The following ESR2 variants were observed in gnomAD, a reference collection of about 807,000 sequenced individuals.
The protein encoded by ESR2 is estrogen receptor 2.
A neutral mutation model predicts 49.6 loss-of-function variants in ESR2; 36 were observed. That is an observed-to-expected ratio of 0.73 (90% CI 0.56 to 0.96). The LOEUF is 0.96. ESR2 is among the 40% of genes least tolerant of loss of function. ESR2 has a pLI of 0.00. For synonymous variants in ESR2, 320 were observed against 266.1 expected (o/e 1.20, Z -1.97); for missense variants, 714 against 693.0 (o/e 1.03, Z -0.34).
intron 1 of ESR2, among the ~76,000 whole-genome samples, chr14:64,310,166 G>A (rs565334539): frequency 2.2e-4 from 33 of 151,568 alleles, no homozygotes; most frequent in Non-Finnish European, 3.5e-4. Context: ...CCAGCTACTC[G>A]GAAGGCTGAG....
At position 64,287,402 on chromosome 14, in the gene ESR2, C is replaced by T. The variant is rs561341598; in HGVS notation, c.-90-4327G>A. Among the ~76,000 whole-genome samples the T allele has an allele frequency of 3.3e-5, 5 of 152,344 alleles. No individual in the cohort carries two copies. In the South Asian group the frequency reaches 1.0e-3, roughly 32 times the overall value. On this transcript the variant is annotated intron_variant, in intron 1 of 8. Transcript: ENST00000341099. ...ACAGATCTCACATCTCAACATATCA[C>T]CAATCAACTTCTGTAGAATTTCCAC... is the stretch of plus-strand genomic sequence containing the variant.
chr14:64,257,405 T>G (rs753642076), intron 5 of ESR2, 41 bp from the exon 6 acceptor site: 39 of 1,609,608 alleles, frequency 2.4e-5, no homozygotes, highest in Non-Finnish European at 3.2e-5. Context: ...CCACCCCTCC[T>G]CCTCAGCTCC....
intron 4 of ESR2, among the ~76,000 whole-genome samples, chr14:64,262,752 A>G (rs2076248869): frequency 6.6e-6 from 1 of 152,228 alleles, no homozygotes; most frequent in Admixed American, 6.5e-5. Context: ...CTCTACTAAT[A>G]ATACAAAAAT....
chr14:64,281,791 C>T (rs2076674193), intron 2 of ESR2, among the ~76,000 whole-genome samples: 1 of 152,148 alleles, frequency 6.6e-6, no homozygotes, highest in Non-Finnish European at 1.5e-5. Flanking sequence ...CAACTGAAGC[C>T]TAAACTTCAA....
chr14:64,280,248 ATC>A (rs997948824), intron 2 of ESR2, 95 bp from the exon 3 acceptor site: 6 of 898,352 alleles, frequency 6.7e-6, no homozygotes, highest in East Asian at 4.9e-5. Context: ...GCCTAATTTA[ATC>A]TCTTTTTCCT....
At chr14:64,289,717 A>C (rs2076841340) in intron 1 of ESR2, among the ~76,000 whole-genome samples, 1 of 150,524 alleles carries the variant, frequency 6.6e-6, no homozygotes, top group African/African-American at 2.5e-5. Flanking sequence ...ACTTCTGTCC[A>C]CAGAAATCCA....
At chr14:64,317,392 C>G (rs967994838) in intron 1 of ESR2, among the ~76,000 whole-genome samples, 1 of 152,198 alleles carries the variant, frequency 6.6e-6, no homozygotes, top group African/African-American at 2.4e-5. Flanking sequence ...TCCAGTGAGG[C>G]CTCAGGAAGC....
chr14:64,293,266 C>A (rs17226046), intron 1 of ESR2, among the ~76,000 whole-genome samples: 1 of 152,070 alleles, frequency 6.6e-6, no homozygotes, highest in African/African-American at 2.4e-5. Flanking sequence ...CACCGAGTTA[C>A]GAAACTTAGA....
Position 64,260,536 on chromosome 14 carries a change from A to G in ESR2, c.865T>C (p.Phe289Leu). ...HVLISRPSAP[F>L]TEASMMMSLT... ...GACATCATCATGGAGGCCTCGGTGA[A>G]GGGCGCACTGGGGCGGCTGATCAGC... The change falls in exon 5 of 9, where the codon TTC (phenylalanine) becomes CTC (leucine). Residue 289 changes from phenylalanine to leucine, a missense_variant. Coordinates refer to ENST00000341099, the MANE Select transcript of ESR2 (RefSeq NM_001437.3). 6.4e-7 allele frequency: 1 copy of G among 1,568,072 alleles called. No individual in the cohort carries two copies. Among genetic ancestry groups the G allele is most frequent in the Non-Finnish European group, 8.6e-7 (1 of 1,156,232 alleles).
At chr14:64,248,505 C>CAAAA (rs56108535) in intron 7 of ESR2, among the ~76,000 whole-genome samples, 2 of 87,246 alleles carry the variant, frequency 2.3e-5, no homozygotes, top group Admixed American at 1.4e-4. Context: ...GATCCTGTCT[C>CAAAA]AAAAAAAAAA....
intron 1 of ESR2, among the ~76,000 whole-genome samples, chr14:64,322,034 C>T (rs1473798902): frequency 6.6e-6 from 1 of 151,946 alleles, no homozygotes; most frequent in Non-Finnish European, 1.5e-5. Context: ...ACATGTACCC[C>T]TTAATCTATA....
chr14:64,278,399 C>A (rs542864657), intron 3 of ESR2, among the ~76,000 whole-genome samples: 1 of 152,276 alleles, frequency 6.6e-6, no homozygotes, highest in South Asian at 2.1e-4. Context: ...CAACATTTCA[C>A]TCCTCACCAT....
At chr14:64,271,473 A>G (rs879734300) in intron 3 of ESR2, among the ~76,000 whole-genome samples, 1 of 152,086 alleles carries the variant, frequency 6.6e-6, no homozygotes, top group Non-Finnish European at 1.5e-5. Context: ...CTACAGGCGC[A>G]TGCCGCCACA....
In ESR2 at chr14:64,230,865, T is replaced by TTATATATATA. The variant is rs10589699; in HGVS notation, c.*2262_*2271dup. ...AAGATCTACTCTCAAAAAAAAAAAATTATATATATATATATATATATATTT... is the reference window on the plus strand; with the variant it reads ...AAGATCTACTCTCAAAAAAAAAAAATTATATATATATATATATATATATATATATATATTT... On this transcript the variant is annotated 3_prime_UTR_variant, in exon 9 of 9. Transcript: ENST00000341099. 38 of 125,624 alleles carry TTATATATATA rather than the reference T, an allele frequency of 3.0e-4. No individual in the cohort carries two copies. The highest frequency in any genetic ancestry group is 2.2e-3 in the South Asian group (9 of 4,108). The allele number at this position is 125,624 out of a possible 1,614,324, so 7.8% of individuals were successfully genotyped here.
intron 1 of ESR2, among the ~76,000 whole-genome samples, chr14:64,309,987 G>C (rs2077165411): frequency 6.6e-6 from 1 of 152,144 alleles, no homozygotes; most frequent in Admixed American, 6.5e-5. Flanking sequence ...TCGGGAGGCT[G>C]AGACAGGAGA....
At chr14:64,329,362 A>T (rs2077426491) in intron 1 of ESR2, 1 of 152,256 alleles carries the variant, frequency 6.6e-6, no homozygotes, top group Admixed American at 6.5e-5. Flanking sequence ...TCAAATTCCA[A>T]CATGAGACTT....
chr14:64,252,973 A>G (rs2076019770), intron 6 of ESR2, among the ~76,000 whole-genome samples: 1 of 151,974 alleles, frequency 6.6e-6, no homozygotes, highest in Admixed American at 6.6e-5. Flanking sequence ...CTCCTGCCTC[A>G]GCCTCCCATG....
chr14:64,332,827 G>A lies in ESR2; in HGVS notation c.-91+5071C>T, dbSNP rs1254468768. 4.1e-5 allele frequency among the ~76,000 whole-genome samples: 6 copies of A among 147,576 alleles called. No homozygotes were observed. The East Asian group carries it at 6.1e-4, about 15-fold the overall frequency. ...AAAAAAAAAAAAGGGTACCGTATAT[G>A]ATCAAACATCTCCTCTCTACACACA... On this transcript the variant is annotated intron_variant, in intron 1 of 8. Transcript: ENST00000358599.
intron 1 of ESR2, chr14:64,332,462 A>C (rs1336606088): frequency 6.6e-6 from 1 of 152,200 alleles, no homozygotes; most frequent in Non-Finnish European, 1.5e-5. Flanking sequence ...TATTACTCTT[A>C]TTATAAGAGG....
Sources: allele counts gnomAD v4.1 joint callset (sites outside exome capture counted in the v4.1 genomes callset), GRCh38; gene constraint gnomAD v4.1.1; transcripts MANE v1.5; gene names NCBI Gene and HGNC (gene_info 2026-07-23, HGNC 2026-07-21).